The following IGF2R variants were observed in gnomAD, a reference collection of about 807,000 sequenced individuals.
IGF2R encodes insulin like growth factor 2 receptor, also known as cation-independent mannose-6-phosphate receptor.
In IGF2R, 91 loss-of-function variants were observed where a neutral mutation model predicts 270.6. The observed-to-expected ratio is 0.34, with a 90% CI of 0.28 to 0.40. The LOEUF (loss-of-function observed/expected upper bound fraction) is 0.40. Ranked by LOEUF, IGF2R falls within the 10% of genes least tolerant of loss-of-function variation. The probability of loss-of-function intolerance (pLI) is 1.00; values close to 1 mark genes in which losing one functional copy is unlikely to be tolerated. For missense variants in IGF2R, 2,805 were observed against 3,188.3 expected, an observed-to-expected ratio of 0.88 and a Z score of 2.90; for synonymous variants, 1,316 against 1,258.9, an observed-to-expected ratio of 1.05 and a Z score of -0.96.
chr6:159,993,315 A>G (rs558611130), intron 2 of IGF2R, among the ~76,000 whole-genome samples: 3 of 152,168 alleles, frequency 2.0e-5, no homozygotes, highest in African/African-American at 4.8e-5. Flanking sequence ...GTCTAGGCCA[A>G]TGTCCAGGAG....
chr6:159,997,597 T>G (rs1784072405), intron 2 of IGF2R, among the ~76,000 whole-genome samples: 1 of 152,188 alleles, frequency 6.6e-6, no homozygotes. Context: ...CCGCCACCCC[T>G]TTCAAAGGAA....
At chr6:159,977,865 C>T (rs982801287) in intron 1 of IGF2R, among the ~76,000 whole-genome samples, 2 of 150,780 alleles carry the variant, frequency 1.3e-5, no homozygotes, top group Admixed American at 6.6e-5. Context: ...GGATGCTAAC[C>T]GTGTTGTAGG....
intron 30 of IGF2R, among the ~76,000 whole-genome samples, chr6:160,069,028 C>T (rs1323588682): frequency 1.3e-5 from 2 of 152,054 alleles, no homozygotes; most frequent in East Asian, 1.9e-4. Context: ...AGGAATCCTT[C>T]TTAGCAGGTA....
chr6:160,022,103 T>C (rs1014877108), intron 4 of IGF2R, among the ~76,000 whole-genome samples: 6 of 152,068 alleles, frequency 3.9e-5, no homozygotes, highest in African/African-American at 1.2e-4. Flanking sequence ...TGGAGTAATA[T>C]TGGTGGAACT....
chr6:160,103,930 C>A (rs549820202), intron 47 of IGF2R, 115 bp downstream of exon 47: 78 of 676,798 alleles, frequency 1.2e-4, no homozygotes, highest in Non-Finnish European at 1.6e-4. Flanking sequence ...TGACTGGAAT[C>A]CAGAAAGGAA....
intron 5 of IGF2R, among the ~76,000 whole-genome samples, chr6:160,025,281 T>C (rs1298728280): frequency 6.6e-6 from 1 of 152,232 alleles, no homozygotes. Flanking sequence ...CTGGTTTTAC[T>C]AAGCCAAGTT....
intron 9 of IGF2R, among the ~76,000 whole-genome samples, chr6:160,033,893 A>G (rs1452931783): frequency 2.0e-5 from 3 of 152,232 alleles, no homozygotes; most frequent in Non-Finnish European, 4.4e-5. Context: ...CAGTTTTCTG[A>G]AAATGTGTTA....
chr6:160,036,694 G>A (rs1227553724), intron 10 of IGF2R, among the ~76,000 whole-genome samples: 1 of 152,094 alleles, frequency 6.6e-6, no homozygotes, highest in African/African-American at 2.4e-5. Context: ...CAGGGAAGAG[G>A]TGTGGACATC....
chr6:160,100,069 C>G (rs1022925316), intron 45 of IGF2R, among the ~76,000 whole-genome samples: 1 of 151,856 alleles, frequency 6.6e-6, no homozygotes, highest in East Asian at 1.9e-4. Flanking sequence ...TACTTAAATC[C>G]CCAAAGAAGA....
At chr6:160,013,925 T>TA (rs1265389857) in intron 4 of IGF2R, among the ~76,000 whole-genome samples, 2 of 152,216 alleles carry the variant, frequency 1.3e-5, no homozygotes, top group African/African-American at 4.8e-5. Flanking sequence ...TTTATGTACT[T>TA]ATAAAAACCT....
At chr6:160,022,013 AACACACAC>A (rs58646750) in intron 4 of IGF2R, among the ~76,000 whole-genome samples, 9 of 142,756 alleles carry the variant, frequency 6.3e-5, no homozygotes, top group African/African-American at 2.3e-4. Context: ...CTAGGTAAAG[AACACACAC>A]ACACACACAC....
intron 5 of IGF2R, among the ~76,000 whole-genome samples, chr6:160,026,561 C>T (rs948679114): frequency 2.6e-5 from 4 of 152,176 alleles, no homozygotes; most frequent in South Asian, 2.1e-4. Context: ...CCAAAGTATA[C>T]TGTGTAAGGT....
intron 19 of IGF2R, among the ~76,000 whole-genome samples, chr6:160,056,074 C>T (rs1236366250): frequency 6.6e-6 from 1 of 152,166 alleles, no homozygotes; most frequent in Non-Finnish European, 1.5e-5. Context: ...TCAGTGAATC[C>T]TACGTACCGT....
intron 19 of IGF2R, among the ~76,000 whole-genome samples, chr6:160,055,748 T>G (rs1353543474): frequency 6.6e-6 from 1 of 152,198 alleles, no homozygotes; most frequent in African/African-American, 2.4e-5. Context: ...TGAGGCGCAG[T>G]TGAGAAATAC....
At position 160,061,819 on chromosome 6, in the gene IGF2R, G is replaced by A; in HGVS notation, c.3473G>A (p.Ser1158Asn). 6.2e-7 allele frequency: 1 copy of A among 1,614,190 alleles called. No homozygotes were observed. Among genetic ancestry groups the A allele is most frequent in the Non-Finnish European group, 8.5e-7 (1 of 1,180,030 alleles). The change falls in exon 25 of 48, where the codon AGT becomes AAT. Residue 1158 changes from serine to asparagine, a missense_variant. Coordinates refer to ENST00000356956, the MANE Select transcript of IGF2R (RefSeq NM_000876.4). ...NSWNLGVVQM[S>N]PQAAANGSLS... The stretch of plus-strand genomic sequence containing the variant: ...TGGAATCTGGGTGTGGTGCAGATGA[G>A]TCCCCAAGCCGCGGCGAATGGATCT...
chr6:160,033,192 A>G (rs1777737714), intron 9 of IGF2R, 85 bp downstream of exon 9: 2 of 924,644 alleles, frequency 2.2e-6, no homozygotes, highest in Non-Finnish European at 3.3e-6. Flanking sequence ...GCTAGACTGC[A>G]GTGGTGCAAT....
chr6:159,990,835 G>A (rs1027075545), intron 1 of IGF2R, among the ~76,000 whole-genome samples: 17 of 152,048 alleles, frequency 1.1e-4, no homozygotes, highest in East Asian at 5.8e-4. Context: ...TCATTATGTT[G>A]GCCAGGCTGG....
intron 45 of IGF2R, 88 bp downstream of exon 45, chr6:160,096,713 T>C: frequency 8.8e-7 from 1 of 1,132,184 alleles, no homozygotes. Flanking sequence ...CAATGTTTTC[T>C]TGTGAAATAT....
At chr6:160,071,253 G>GC (rs1345571387) in intron 31 of IGF2R, among the ~76,000 whole-genome samples, 1 of 131,490 alleles carries the variant, frequency 7.6e-6, no homozygotes, top group African/African-American at 2.9e-5. Context: ...AGGCCCCTGT[G>GC]CCCAGGGCCC....
Sources: gnomAD v4.1 joint callset for allele counts (sites outside exome capture counted in the v4.1 genomes callset) on GRCh38, gnomAD v4.1.1 for gene constraint, MANE v1.5 for transcripts, NCBI Gene and HGNC (gene_info 2026-07-23, HGNC 2026-07-21) for gene names.